Variants in RUNX1T1 observed in about 807,000 individuals in gnomAD.
The protein encoded by RUNX1T1 is protein CBFA2T1.
Under a neutral mutation model 62.8 loss-of-function variants are expected in RUNX1T1, and 4 were observed. The observed-to-expected ratio is 0.06, with a 90% CI of 0.03 to 0.15. RUNX1T1 has a LOEUF of 0.15. Among genes scored for constraint, RUNX1T1 ranks in the 10% least tolerant of loss-of-function variants. The probability of loss-of-function intolerance (pLI) is 1.00; values close to 1 mark genes in which losing one functional copy is unlikely to be tolerated. For missense variants in RUNX1T1, 508 were observed against 754.3 expected (o/e 0.67, Z 3.82); for synonymous variants, 291 against 286.0 (o/e 1.02, Z -0.18).
chr8:91,973,052 T>A (rs75251275), intron 9 of RUNX1T1, among the ~76,000 whole-genome samples: 2 of 151,982 alleles, frequency 1.3e-5, no homozygotes, highest in Non-Finnish European at 2.9e-5. Context: ...TATTATATTG[T>A]GTTATTGGGG....
intron 10 of RUNX1T1, 76 bp from the exon 12 acceptor site, chr8:91,960,593 G>A: frequency 1.4e-6 from 2 of 1,459,966 alleles, no homozygotes; most frequent in Non-Finnish European, 1.9e-6. Flanking sequence ...AATATGTTAG[G>A]CATCACTGTA....
At chr8:92,012,421 G>T (rs2131110724) in intron 3 of RUNX1T1, among the ~76,000 whole-genome samples, 1 of 152,136 alleles carries the variant, frequency 6.6e-6, no homozygotes, top group South Asian at 2.1e-4. Flanking sequence ...CTAGTTTCAG[G>T]GGAGGCTGGG....
At chr8:91,991,656 T>G in exon 6 of RUNX1T1, 1 of 1,613,908 alleles carries the variant, frequency 6.2e-7, no homozygotes, top group Non-Finnish European at 8.5e-7. Flanking sequence ...TCTGTTTCTG[T>G]CCCTGAGGTC....
chr8:91,962,380 A>G (rs1372639262), intron 10 of RUNX1T1, among the ~76,000 whole-genome samples: 1 of 152,262 alleles, frequency 6.6e-6, no homozygotes, highest in Non-Finnish European at 1.5e-5. Context: ...ACTATTGCTG[A>G]GGAAATCTAG....
chr8:92,019,229 A>T (rs1823605080), intron 1 of RUNX1T1: 1 of 152,182 alleles, frequency 6.6e-6, no homozygotes, highest in South Asian at 2.1e-4. Flanking sequence ...AATAAAGGCA[A>T]ATATTTCTGT....
At chr8:92,030,095 C>G (rs992342040) in intron 1 of RUNX1T1, among the ~76,000 whole-genome samples, 3 of 152,112 alleles carry the variant, frequency 2.0e-5, no homozygotes, top group African/African-American at 2.4e-5. Context: ...GTTTAATCAG[C>G]TGCAAACTTC....
At chr8:91,979,764 G>C (rs1011715260) in intron 8 of RUNX1T1, 4 of 507,622 alleles carry the variant, frequency 7.9e-6, no homozygotes, top group African/African-American at 5.8e-5. Context: ...GATGGAAGAT[G>C]CACTACACTT....
chr8:92,065,304 C>T (rs546585004), upstream of RUNX1T1, among the ~76,000 whole-genome samples: 2 of 152,262 alleles, frequency 1.3e-5, no homozygotes, highest in South Asian at 2.1e-4. Flanking sequence ...AAAAACAATA[C>T]ATATTGCAAA....
At chr8:92,045,415 G>C (rs1315748393) in intron 1 of RUNX1T1, among the ~76,000 whole-genome samples, 1 of 152,114 alleles carries the variant, frequency 6.6e-6, no homozygotes, top group African/African-American at 2.4e-5. Flanking sequence ...ACTATTGTAA[G>C]AGTCTCCAAT....
intron 1 of RUNX1T1, chr8:92,095,621 A>G (rs151294731): frequency 7.6e-4 from 1,032 of 1,365,340 alleles, no homozygotes; most frequent in Middle Eastern, 1.9e-3. Context: ...AGTGGGAGAG[A>G]GAGAGAGAAG....
rs148735340 is a variant in RUNX1T1 at position 92,095,383 on chromosome 8, G to A, written c.-86+4197C>T. The stretch of plus-strand genomic sequence containing the variant: ...GGAGCGCGGGAGAGCGGCCGCGGCC[G>A]AGGCGGCACCCAGACCGCGGCTTTG... On this transcript the variant is annotated intron_variant, in intron 1 of 11. Transcript: ENST00000265814. 382 of 1,535,522 alleles carry A rather than the reference G, an allele frequency of 2.5e-4. 3 individuals are homozygous for A. In the East Asian group the frequency reaches 9.1e-3, roughly 36 times the overall value.
At chr8:91,972,840 A>T (rs146107316) in intron 9 of RUNX1T1, among the ~76,000 whole-genome samples, 2 of 152,238 alleles carry the variant, frequency 1.3e-5, no homozygotes, top group Non-Finnish European at 2.9e-5. Context: ...TTCTCTGATC[A>T]TGTAAAAAGA....
intron 8 of RUNX1T1, among the ~76,000 whole-genome samples, chr8:91,985,171 T>C (rs1209280111): frequency 1.3e-5 from 2 of 152,206 alleles, no homozygotes; most frequent in Non-Finnish European, 2.9e-5. Flanking sequence ...CAGATGGGTA[T>C]GGGGCCAACG....
At chr8:92,102,186 T>C (rs7002049), upstream of RUNX1T1, among the ~76,000 whole-genome samples, 129,364 of 152,080 alleles carry the variant, frequency 0.85, 55,464 homozygotes, top group East Asian at 1. The surrounding 1 kb of genome is among the most constrained non-coding windows in gnomAD (Gnocchi z 4.5). Flanking sequence ...GGGACCAGCC[T>C]CGGGCGGGAG....
At chr8:91,988,202 A>G (rs1466655680) in intron 6 of RUNX1T1, among the ~76,000 whole-genome samples, 1 of 152,128 alleles carries the variant, frequency 6.6e-6, no homozygotes, top group Non-Finnish European at 1.5e-5. Flanking sequence ...ACATAAAACG[A>G]TTTCATTTAC....
In RUNX1T1 at chr8:92,026,078, T is replaced by C. The variant is rs80113502; in HGVS notation, c.8-8715A>G. 5.9e-3 allele frequency among the ~76,000 whole-genome samples: 897 copies of C among 152,360 alleles called. 5 individuals carry two copies. The highest frequency in any genetic ancestry group is 9.9e-3 in the South Asian group (48 of 4,832). On this transcript the variant is annotated intron_variant, in intron 1 of 10. Transcript: ENST00000396218. ...AGCATATTGTGAACCAAAGACATAC[T>C]TTTTTCTACATTCTACAAGTTTTCT...
intron 1 of RUNX1T1, among the ~76,000 whole-genome samples, chr8:92,025,862 T>C (rs184379232): frequency 3.7e-4 from 56 of 152,338 alleles, no homozygotes; most frequent in African/African-American, 1.1e-3. Flanking sequence ...AAAATACTAC[T>C]GGATTATTCA....
chr8:92,099,896 A>G (rs142682006), upstream of RUNX1T1, among the ~76,000 whole-genome samples: 2 of 152,362 alleles, frequency 1.3e-5, no homozygotes, highest in East Asian at 1.9e-4. Flanking sequence ...TGACAATAAA[A>G]TAAATTATAA....
chr8:92,050,781 A>G (rs770807729), intron 1 of RUNX1T1, among the ~76,000 whole-genome samples: 2 of 152,174 alleles, frequency 1.3e-5, no homozygotes, highest in African/African-American at 4.8e-5. Context: ...AAAGGGGGCA[A>G]TTTAGATCAT....
Sources: gnomAD v4.1 joint callset for allele counts (sites outside exome capture counted in the v4.1 genomes callset) on GRCh38, gnomAD v4.1.1 for gene constraint, Gnocchi (gnomAD v3.1) non-coding constraint, MANE v1.5 for transcripts, NCBI Gene and HGNC (gene_info 2026-07-23, HGNC 2026-07-21) for gene names.